The following TPD52 variants were observed in gnomAD, a reference collection of about 807,000 sequenced individuals.
The protein encoded by TPD52 is prostate and colon associated protein.
In TPD52, 17 loss-of-function variants were observed where a neutral mutation model predicts 31.3. That is an observed-to-expected ratio of 0.54 (90% CI 0.37 to 0.82). The LOEUF (loss-of-function observed/expected upper bound fraction) is 0.82, where lower values mean the gene tolerates loss of function less well. Among genes scored for constraint, TPD52 ranks in the 40% least tolerant of loss-of-function variants. The pLI, the probability that TPD52 is intolerant of heterozygous loss-of-function variation, is 0.00. For missense variants in TPD52, 212 were observed against 240.1 expected (o/e 0.88, Z 0.77); for synonymous variants, 83 against 89.6 (o/e 0.93, Z 0.42).
At position 80,053,298 on chromosome 8, in the gene TPD52, C is replaced by T. The variant is rs368062879; in HGVS notation, c.268G>A (p.Val90Met). The change falls in exon 3 of 8, where the codon GTG (valine) becomes ATG (methionine). Residue 90 changes from valine (V) to methionine (M), a missense_variant. Coordinates refer to ENST00000518937, the MANE Select transcript of TPD52 (RefSeq NM_001025253.3). ...GAAACATACGCAGATGTTGCTGTCA[C>T]GTCTTGCCACCCTTTGGCAATGTTC... ...KQNIAKGWQD[V>M]TATSAYKKTS... 2.5e-6 allele frequency: 4 copies of T among 1,613,302 alleles called. No homozygotes were observed. The highest frequency in any genetic ancestry group is 2.5e-6 in the Non-Finnish European group (3 of 1,179,564).
chr8:80,140,086 A>C (rs1809720912), intron 1 of TPD52, among the ~76,000 whole-genome samples: 1 of 152,250 alleles, frequency 6.6e-6, no homozygotes, highest in Non-Finnish European at 1.5e-5. Flanking sequence ...TTTCAGCACC[A>C]GTCCAGCTGT....
chr8:80,051,207 AG>A (rs1811349928), intron 4 of TPD52: 2 of 379,284 alleles, frequency 5.3e-6, no homozygotes, highest in Admixed American at 4.4e-5. Context: ...GTAACACACC[AG>A]GCTCTGCCCA....
intron 2 of TPD52, among the ~76,000 whole-genome samples, chr8:80,058,555 T>C (rs1812151548): frequency 6.6e-6 from 1 of 152,278 alleles, no homozygotes; most frequent in South Asian, 2.1e-4. Flanking sequence ...CCCAGGACTT[T>C]GGGAGGCCAA....
At position 80,140,875 on chromosome 8, in the gene TPD52, C is replaced by T. The variant is rs139513407; in HGVS notation, c.19+30550G>A. On this transcript the variant is annotated intron_variant, in intron 1 of 7. Transcript: ENST00000518937. Reference sequence around the variant, plus strand: ...CTCAGATTTGATTTAACCCTAAACTCAACAATCTCAGGAAGTTCTGTCATA... The same window carrying T: ...CTCAGATTTGATTTAACCCTAAACTTAACAATCTCAGGAAGTTCTGTCATA... 2.8e-3 allele frequency among the ~76,000 whole-genome samples: 430 copies of T among 151,910 alleles called. 2 individuals are homozygous for T. Among genetic ancestry groups the T allele is most frequent in the African/African-American group, 9.7e-3 (400 of 41,394 alleles).
chr8:80,105,197 G>A (rs1807017498), intron 1 of TPD52, among the ~76,000 whole-genome samples: 1 of 152,088 alleles, frequency 6.6e-6, no homozygotes, highest in South Asian at 2.1e-4. Flanking sequence ...TCAACCTAAG[G>A]GAAGAGACCA....
In TPD52 at chr8:80,169,988, T is replaced by TAC. The variant is rs549945943; in HGVS notation, c.19+1435_19+1436dup. Among the ~76,000 whole-genome samples, 295 of 152,356 alleles carry TAC rather than the reference T, an allele frequency of 1.9e-3. 1 individual carries two copies. The highest frequency in any genetic ancestry group is 3.4e-3 in the Middle Eastern group (1 of 294). On this transcript the variant is annotated intron_variant, in intron 1 of 7. Transcript: ENST00000518937. Reference sequence around the variant, plus strand: ...ATACAGGTAATGTATAATATATATATACACATAGGTAACACATATAAAGCA... The same window carrying TAC: ...ATACAGGTAATGTATAATATATATATACACACATAGGTAACACATATAAAGCA...
At chr8:80,092,741 C>CA (rs1390088382) in intron 1 of TPD52, among the ~76,000 whole-genome samples, 1 of 148,824 alleles carries the variant, frequency 6.7e-6, no homozygotes, top group African/African-American at 2.5e-5. Context: ...AGAGTAAAAT[C>CA]ACAAATTCCG....
At chr8:80,094,464 ATATATATATATATATATATATG>A (rs1162022543) in intron 1 of TPD52, among the ~76,000 whole-genome samples, 4 of 112,644 alleles carry the variant, frequency 3.6e-5, no homozygotes, top group African/African-American at 1.2e-4. Context: ...ATATATATAT[ATATATATATATATATATATATG>A]TATGTATATA....
chr8:80,038,151 C>T lies in TPD52; in HGVS notation c.589G>A (p.Glu197Lys). 6.2e-7 allele frequency: 1 copy of T among 1,614,044 alleles called. No homozygotes were observed. Among genetic ancestry groups the T allele is most frequent in the Non-Finnish European group, 8.5e-7 (1 of 1,179,958 alleles). ...TCCTGTGTCTTTTCTGGAAGAGGCT[C>T]CGTGGTGGTGGCACTAGCATTTGCA... ...SAANASATTT[E>K]PLPEKTQESL is the part of the protein sequence containing the mutation. The change falls in exon 8 of 8, where the codon GAG becomes AAG. Residue 197 changes from glutamate (E) to lysine (K), a missense_variant. Physicochemically the swap from Glu to Lys is moderately conservative, Grantham distance 56 (BLOSUM62 1). Coordinates refer to ENST00000518937, the MANE Select transcript of TPD52 (RefSeq NM_001025253.3).
chr8:80,164,010 C>CTGTG, intron 1 of TPD52, among the ~76,000 whole-genome samples: 1 of 118,388 alleles, frequency 8.4e-6, no homozygotes, highest in Non-Finnish European at 1.7e-5. Context: ...CAAATTCTAA[C>CTGTG]TGTGAGAGAG....
At chr8:80,090,383 A>G (rs925534572) in intron 1 of TPD52, among the ~76,000 whole-genome samples, 1 of 152,172 alleles carries the variant, frequency 6.6e-6, no homozygotes, top group African/African-American at 2.4e-5. Flanking sequence ...ACAAATAAAT[A>G]AAGTTTTCAA....
At chr8:80,111,175 G>A (rs1807473816) in intron 1 of TPD52, among the ~76,000 whole-genome samples, 1 of 152,146 alleles carries the variant, frequency 6.6e-6, no homozygotes, top group Non-Finnish European at 1.5e-5. Flanking sequence ...TATCATCACT[G>A]TACTCCAGCC....
intron 1 of TPD52, among the ~76,000 whole-genome samples, chr8:80,166,971 G>A (rs1811759031): frequency 6.6e-6 from 1 of 152,158 alleles, no homozygotes; most frequent in South Asian, 2.1e-4. Flanking sequence ...AAATTAATAT[G>A]CTAACTATGA....
chr8:80,159,179 C>G (rs899640584), intron 1 of TPD52, among the ~76,000 whole-genome samples: 5 of 152,122 alleles, frequency 3.3e-5, no homozygotes, highest in African/African-American at 1.2e-4. Flanking sequence ...CAGATTTGTA[C>G]CTAATTTTCA....
At chr8:80,146,531 TAG>T (rs1336312272) in intron 1 of TPD52, among the ~76,000 whole-genome samples, 3 of 152,204 alleles carry the variant, frequency 2.0e-5, no homozygotes, top group Non-Finnish European at 4.4e-5. Flanking sequence ...GTGAGCATCA[TAG>T]AGTGATGGTC....
At chr8:80,159,270 T>C (rs1811197791) in intron 1 of TPD52, among the ~76,000 whole-genome samples, 1 of 152,214 alleles carries the variant, frequency 6.6e-6, no homozygotes, top group African/African-American at 2.4e-5. Context: ...AAGCCAAATT[T>C]TGAACCTCGA....
intron 1 of TPD52, among the ~76,000 whole-genome samples, chr8:80,100,281 A>C (rs1806638683): frequency 6.6e-6 from 1 of 152,202 alleles, no homozygotes; most frequent in South Asian, 2.1e-4. Flanking sequence ...TGCTTTAAAT[A>C]AGCTGATCCA....
intron 1 of TPD52, among the ~76,000 whole-genome samples, chr8:80,115,480 C>T (rs759410455): frequency 2.6e-5 from 4 of 152,002 alleles, no homozygotes; most frequent in Non-Finnish European, 5.9e-5. Flanking sequence ...ATACAAGCGG[C>T]GGAAAAGGCA....
downstream of TPD52, among the ~76,000 whole-genome samples, chr8:80,032,152 CA>C (rs150988844): frequency 0.033 from 1,853 of 56,548 alleles, 4 homozygotes; most frequent in Non-Finnish European, 0.041. Flanking sequence ...GACTCCAGCT[CA>C]AAAAAAAAAA....
Sources: gnomAD v4.1 joint callset for allele counts (sites outside exome capture counted in the v4.1 genomes callset) on GRCh38, gnomAD v4.1.1 for gene constraint, MANE v1.5 for transcripts, NCBI Gene and HGNC (gene_info 2026-07-23, HGNC 2026-07-21) for gene names.